Variants in TG observed in about 807,000 individuals in gnomAD.
TG encodes thyroglobulin, also known as thyroid hormones.
A neutral mutation model predicts 324.7 loss-of-function variants in TG; 270 were observed. The observed-to-expected ratio is 0.83, with a 90% CI of 0.75 to 0.92. The LOEUF is 0.92. Among genes scored for constraint, TG ranks in the 40% least tolerant of loss-of-function variants. TG has a pLI of 0.00. For missense variants in TG, 3,591 were observed against 3,456.4 expected (o/e 1.04, Z -0.98); for synonymous variants, 1,401 against 1,327.0 (o/e 1.06, Z -1.21).
At position 133,113,518 on chromosome 8, in the gene TG, G is replaced by A. The variant is rs767107955; in HGVS notation, c.7669G>A (p.Glu2557Lys). ...LGGEDSDARV[E>K]AAATWYYSLE... ...TGGCGAGGACTCAGATGCCCGCGTC[G>A]AGGCTGCTGCTACATGGTATTACTC... Residue 2557 changes from glutamate (E) to lysine (K), a missense_variant, in exon 44 of 48, where the codon GAG (glutamate) becomes AAG (lysine). Physicochemically the swap from Glu to Lys is moderately conservative, Grantham distance 56 (BLOSUM62 1). Coordinates refer to ENST00000220616, the MANE Select transcript of TG (RefSeq NM_003235.5). 9.3e-6 allele frequency: 15 copies of A among 1,614,038 alleles called. No homozygotes were observed. Among genetic ancestry groups the A allele is most frequent in the South Asian group, 4.4e-5 (4 of 91,086 alleles).
At chr8:132,917,043 CTCCTTCCT>C (rs1268389871) in intron 20 of TG, among the ~76,000 whole-genome samples, 495 of 48,816 alleles carry the variant, frequency 0.01, 2 homozygotes, top group Middle Eastern at 0.031. Context: ...CCCTCCCTCC[CTCCTTCCT>C]TCCTTCCTTC....
intron 20 of TG, among the ~76,000 whole-genome samples, chr8:132,916,695 C>T (rs749646785): frequency 4.6e-5 from 7 of 152,222 alleles, no homozygotes; most frequent in Non-Finnish European, 8.8e-5. Context: ...ACCTTATTTG[C>T]AGCCCTGATG....
Position 133,054,377 on chromosome 8 carries a change from G to C in TG, c.7239+24354G>C, listed in dbSNP as rs534907444. 7.9e-5 allele frequency among the ~76,000 whole-genome samples: 12 copies of C among 152,274 alleles called. No individual in the cohort carries two copies. In the East Asian group the frequency reaches 2.3e-3, roughly 29 times the overall value. ...GAGAATGGGGCTTTGAAACCAATCA[G>C]AACTGGCTTACATCCCACCTCCGCC... On this transcript the variant is annotated intron_variant, in intron 41 of 47. Coordinates refer to ENST00000220616, the MANE Select transcript of TG (RefSeq NM_003235.5).
At chr8:132,868,766 T>G (rs1839206594) in intron 2 of TG, among the ~76,000 whole-genome samples, 2 of 152,242 alleles carry the variant, frequency 1.3e-5, no homozygotes, top group Admixed American at 1.3e-4. Flanking sequence ...GCTGCCCTAA[T>G]GCAGACTTGG....
chr8:133,067,766 A>G (rs2131388994), intron 41 of TG, among the ~76,000 whole-genome samples: 1 of 151,862 alleles, frequency 6.6e-6, no homozygotes, highest in East Asian at 1.9e-4. Context: ...TGACAGAGCA[A>G]GACTCCATCT....
chr8:133,102,378 C>T, intron 43 of TG: 2 of 575,148 alleles, frequency 3.5e-6, no homozygotes. Context: ...TACCCCAAGT[C>T]CTGCCCCCTG....
At chr8:133,113,670 CAGG>C in intron 44 of TG, 67 bp downstream of exon 44, 1 of 1,560,332 alleles carries the variant, frequency 6.4e-7, no homozygotes, top group Non-Finnish European at 8.7e-7. Context: ...AGTTGGTGTT[CAGG>C]TCATGAATGA....
rs185154123 is a variant in TG, at chr8:132,955,222, A to G, written c.5402-5786A>G. 6.0e-4 allele frequency among the ~76,000 whole-genome samples: 92 copies of G among 152,270 alleles called. 1 individual carries two copies. Among genetic ancestry groups the G allele is most frequent in the Non-Finnish European group, 5.6e-4 (38 of 68,028 alleles). On this transcript the variant is annotated intron_variant, in intron 27 of 47. Transcript: ENST00000220616. ...CACAAGTCACTAGTGGATTGTAATG[A>G]AAGCAAGTCTCCAAATTCTGCCACA...
chr8:133,095,236 G>A (rs1588081086), intron 42 of TG, 28 bp downstream of exon 42: 2 of 1,614,154 alleles, frequency 1.2e-6, no homozygotes, highest in East Asian at 4.5e-5. Context: ...AGTTGGGAAG[G>A]GACATTCTCT....
chr8:132,909,969 A>T (rs1159421679), intron 18 of TG, among the ~76,000 whole-genome samples: 3 of 152,216 alleles, frequency 2.0e-5, no homozygotes, highest in Non-Finnish European at 4.4e-5. Flanking sequence ...CTTGTTTTGG[A>T]GATTAAACTA....
At chr8:132,883,758 C>T (rs1189293298) in intron 8 of TG, among the ~76,000 whole-genome samples, 5 of 152,058 alleles carry the variant, frequency 3.3e-5, no homozygotes, top group South Asian at 2.1e-4. Flanking sequence ...CCGGAGGCAA[C>T]GGGGCTAATT....
chr8:133,120,097 C>T (rs888149894), intron 45 of TG, among the ~76,000 whole-genome samples: 23 of 152,224 alleles, frequency 1.5e-4, no homozygotes, highest in African/African-American at 4.1e-4. Flanking sequence ...GTGTCCTCCT[C>T]GCCAAGGCTC....
intron 41 of TG, among the ~76,000 whole-genome samples, chr8:133,046,930 T>C (rs2739153): frequency 0.014 from 2,061 of 152,338 alleles, 40 homozygotes; most frequent in South Asian, 0.063. Context: ...TCTCAGATAG[T>C]GTGTTTTCTC....
At chr8:133,088,406 T>C (rs1427480643) in intron 41 of TG, among the ~76,000 whole-genome samples, 2 of 152,150 alleles carry the variant, frequency 1.3e-5, no homozygotes, top group Non-Finnish European at 2.9e-5. Flanking sequence ...TAGCACAGTG[T>C]GGGGGGAACA....
intron 11 of TG, among the ~76,000 whole-genome samples, chr8:132,896,841 T>C (rs939539550): frequency 6.6e-6 from 1 of 151,940 alleles, no homozygotes; most frequent in Non-Finnish European, 1.5e-5. Flanking sequence ...TCTAACACAA[T>C]AAATGGGAAC....
At chr8:133,125,429 A>G (rs1470555603) in intron 45 of TG, among the ~76,000 whole-genome samples, 1 of 152,236 alleles carries the variant, frequency 6.6e-6, no homozygotes, top group Non-Finnish European at 1.5e-5. Context: ...TCCCAAAAGA[A>G]AGATCATCAA....
At chr8:133,005,944 C>T (rs939305302) in intron 35 of TG, among the ~76,000 whole-genome samples, 1 of 152,166 alleles carries the variant, frequency 6.6e-6, no homozygotes, top group Non-Finnish European at 1.5e-5. Flanking sequence ...TCACCTCTCC[C>T]TCCTACTCCA....
chr8:133,023,142 G>A (rs893744100), intron 40 of TG, among the ~76,000 whole-genome samples: 1 of 152,206 alleles, frequency 6.6e-6, no homozygotes, highest in Non-Finnish European at 1.5e-5. Flanking sequence ...ACTAGAATGT[G>A]TGTGAATGTG....
intron 35 of TG, among the ~76,000 whole-genome samples, chr8:133,000,711 G>T (rs1833388381): frequency 6.6e-6 from 1 of 152,202 alleles, no homozygotes; most frequent in African/African-American, 2.4e-5. Flanking sequence ...ATTTGACTAT[G>T]TGCATGCGAT....
Sources: allele counts gnomAD v4.1 joint callset (sites outside exome capture counted in the v4.1 genomes callset), GRCh38; gene constraint gnomAD v4.1.1; transcripts MANE v1.5; gene names NCBI Gene and HGNC (gene_info 2026-07-23, HGNC 2026-07-21).